The following GPX6 variants were observed in gnomAD, a reference collection of about 807,000 sequenced individuals.
GPX6 encodes glutathione peroxidase 6.
GPX6 carries 21 observed loss-of-function variants against 20.0 expected under a neutral mutation model. That is an observed-to-expected ratio of 1.05 (90% CI 0.74 to 1.51). The LOEUF (loss-of-function observed/expected upper bound fraction) is 1.51. Ranked by LOEUF, GPX6 falls within the 40% of genes most tolerant of loss-of-function variation. The pLI is 0.00. For missense variants in GPX6, 233 were observed against 254.7 expected (o/e 0.91, Z 0.58); for synonymous variants, 75 against 98.0 (o/e 0.77, Z 1.38).
intron 1 of GPX6, among the ~76,000 whole-genome samples, chr6:28,515,120 A>G (rs1442602410): frequency 6.6e-6 from 1 of 152,068 alleles, no homozygotes; most frequent in African/African-American, 2.4e-5. Context: ...GGCCTTATGC[A>G]TTTTATTTTT....
chr6:28,512,605 A>C (rs559325195), intron 1 of GPX6, among the ~76,000 whole-genome samples: 1 of 152,316 alleles, frequency 6.6e-6, no homozygotes, highest in African/African-American at 2.4e-5. Flanking sequence ...TAAGAATAAA[A>C]GGCGGCTGCC....
At chr6:28,512,546 T>G (rs1296067461) in intron 1 of GPX6, among the ~76,000 whole-genome samples, 1 of 152,160 alleles carries the variant, frequency 6.6e-6, no homozygotes, top group Admixed American at 6.5e-5. Context: ...AACAGACCAC[T>G]CGGCTCTCTG....
chr6:28,506,987 A>G (rs1762812272), intron 2 of GPX6, among the ~76,000 whole-genome samples: 2 of 152,132 alleles, frequency 1.3e-5, no homozygotes, highest in African/African-American at 4.8e-5. Context: ...TGGGAGTGGT[A>G]GAGAAAGAGA....
chr6:28,505,827 A>G, intron 3 of GPX6, 25 bp from the exon 4 acceptor site: 4 of 1,559,678 alleles, frequency 2.6e-6, no homozygotes, highest in Admixed American at 1.7e-5. Flanking sequence ...AGTTGTTCCC[A>G]GCAAGATACA....
At chr6:28,513,246 CTGTCTT>C (rs550591602) in intron 1 of GPX6, among the ~76,000 whole-genome samples, 1 of 152,216 alleles carries the variant, frequency 6.6e-6, no homozygotes, top group South Asian at 2.1e-4. Flanking sequence ...AGAAAGTCCT[CTGTCTT>C]TGTGATAAGG....
chr6:28,514,854 T>C (rs1762995395), intron 1 of GPX6, among the ~76,000 whole-genome samples: 1 of 152,240 alleles, frequency 6.6e-6, no homozygotes, highest in Non-Finnish European at 1.5e-5. Context: ...GAGGCTGCTT[T>C]TGAATAAATT....
chr6:28,513,102 A>C (rs1368475116), intron 1 of GPX6, among the ~76,000 whole-genome samples: 1 of 152,224 alleles, frequency 6.6e-6, no homozygotes, highest in Admixed American at 6.5e-5. Flanking sequence ...GCCGGGCTCC[A>C]GGGAAAAACC....
chr6:28,510,093 A>G (rs1762846581), intron 2 of GPX6, among the ~76,000 whole-genome samples: 1 of 152,262 alleles, frequency 6.6e-6, no homozygotes, highest in Non-Finnish European at 1.5e-5. Flanking sequence ...ACAGTTTCAT[A>G]CAAACAATAT....
At chr6:28,508,170 A>C (rs1762825423) in intron 2 of GPX6, among the ~76,000 whole-genome samples, 2 of 152,222 alleles carry the variant, frequency 1.3e-5, no homozygotes, top group African/African-American at 4.8e-5. Context: ...ATTTAAGTTA[A>C]AATTAAATTA....
rs965404253 is a variant in GPX6 at position 28,510,683 on chromosome 6, C to A, written c.241+68G>T. 4.6e-6 allele frequency: 7 copies of A among 1,524,508 alleles called. No homozygotes were observed. In the African/African-American group the frequency reaches 6.8e-5, roughly 15 times the overall value. The allele number at this position is 1,524,508 out of a possible 1,614,324, so 94.4% of individuals were successfully genotyped here. A position where few individuals can be genotyped will look rare whatever the true frequency, so the allele number is the denominator to read the frequency against. ...ATCCTCCAATAACACATTGGTAAAACCTTCTGGAATTAGAATATGGCTATC... is the reference window on the plus strand; with the variant it reads ...ATCCTCCAATAACACATTGGTAAAAACTTCTGGAATTAGAATATGGCTATC... On this transcript the variant is annotated intron_variant, in intron 2 of 4. Coordinates refer to ENST00000361902, the MANE Select transcript of GPX6 (RefSeq NM_182701.1).
intron 3 of GPX6, 152 bp from the exon 4 acceptor site, chr6:28,505,954 G>A (rs184925511): frequency 1.1e-5 from 7 of 641,026 alleles, no homozygotes; most frequent in African/African-American, 1.8e-5. Flanking sequence ...GTGGGAAGCA[G>A]GATTTTATGC....
chr6:28,510,210 G>A (rs2113601292), intron 2 of GPX6, among the ~76,000 whole-genome samples: 1 of 152,280 alleles, frequency 6.6e-6, no homozygotes, highest in Non-Finnish European at 1.5e-5. Flanking sequence ...ACAATGACCA[G>A]GTACCACCCT....
At position 28,504,096 on chromosome 6, in the gene GPX6, C is replaced by CCACACACA. The variant is rs1762782017; in HGVS notation, c.*195_*196insTGTGTGTG. The CCACACACA allele has an allele frequency of 1.5e-5, 8 of 528,514 alleles. No individual in the cohort carries two copies. Among genetic ancestry groups the CCACACACA allele is most frequent in the South Asian group, 1.4e-4 (6 of 42,190 alleles). The allele number at this position is 528,514 out of a possible 1,614,324, so 32.7% of individuals were successfully genotyped here. A position where few individuals can be genotyped will look rare whatever the true frequency, so the allele number is the denominator to read the frequency against. On this transcript the variant is annotated 3_prime_UTR_variant, in exon 5 of 5. Coordinates refer to ENST00000361902, the MANE Select transcript of GPX6 (RefSeq NM_182701.1). ...TACCAACAAATACAATTCTACATAT[C>CCACACACA]CATACACACACACACACACACACAC...
intron 1 of GPX6, among the ~76,000 whole-genome samples, chr6:28,512,430 G>C (rs1762900046): frequency 6.6e-6 from 1 of 151,610 alleles, no homozygotes; most frequent in Non-Finnish European, 1.5e-5. Flanking sequence ...TGGGGACATG[G>C]AGAACCTTTG....
intron 2 of GPX6, 94 bp from the exon 3 acceptor site, chr6:28,506,523 T>C: frequency 1.4e-5 from 10 of 737,768 alleles, no homozygotes; most frequent in Non-Finnish European, 2.5e-5. Context: ...ATCACATGAA[T>C]AAACCGAGGA....
chr6:28,512,906 G>A (rs372209139), intron 1 of GPX6, among the ~76,000 whole-genome samples: 1 of 151,976 alleles, frequency 6.6e-6, no homozygotes, highest in African/African-American at 2.4e-5. Flanking sequence ...GAGCCAGCAA[G>A]ACCACAAACC....
At chr6:28,512,134 G>T (rs1314520641) in intron 1 of GPX6, among the ~76,000 whole-genome samples, 1 of 152,214 alleles carries the variant, frequency 6.6e-6, no homozygotes, top group East Asian at 1.9e-4. Flanking sequence ...GCTCCACGCC[G>T]CCCAGTCCCA....
chr6:28,508,276 T>C (rs1373231050), intron 2 of GPX6, among the ~76,000 whole-genome samples: 1 of 152,232 alleles, frequency 6.6e-6, no homozygotes, highest in African/African-American at 2.4e-5. Context: ...ATTTAACTTT[T>C]TGAAGGGAGG....
chr6:28,515,054 G>A (rs1004337901), intron 1 of GPX6, among the ~76,000 whole-genome samples: 1 of 152,164 alleles, frequency 6.6e-6, no homozygotes, highest in African/African-American at 2.4e-5. Context: ...GCTGAGCTTT[G>A]TCTCTACCTC....
Sources: allele counts gnomAD v4.1 joint callset (sites outside exome capture counted in the v4.1 genomes callset), GRCh38; gene constraint gnomAD v4.1.1; transcripts MANE v1.5; gene names NCBI Gene and HGNC (gene_info 2026-07-23, HGNC 2026-07-21).